Variants in TBC1D22A observed in about 807,000 individuals in gnomAD.
TBC1D22A encodes putative GTPase activator.
Under a neutral mutation model 60.2 loss-of-function variants are expected in TBC1D22A, and 38 were observed. The observed-to-expected ratio is 0.63, with a 90% CI of 0.49 to 0.83. The LOEUF is 0.83. Among genes scored for constraint, TBC1D22A ranks in the 40% least tolerant of loss-of-function variants. The pLI is 0.00. For synonymous variants in TBC1D22A, 302 were observed against 281.7 expected, an observed-to-expected ratio of 1.07 and a Z score of -0.72; for missense variants, 628 against 701.0, an observed-to-expected ratio of 0.90 and a Z score of 1.18.
intron 4 of TBC1D22A, among the ~76,000 whole-genome samples, chr22:46,812,586 C>T (rs1198490263): frequency 6.6e-6 from 1 of 152,194 alleles, no homozygotes; most frequent in Non-Finnish European, 1.5e-5. Context: ...TTTCTGCTGG[C>T]TGTGTGTGGC....
intron 12 of TBC1D22A, among the ~76,000 whole-genome samples, chr22:47,113,558 A>G (rs755280902): frequency 2.6e-5 from 4 of 152,210 alleles, no homozygotes; most frequent in Non-Finnish European, 5.9e-5. Flanking sequence ...TAAGCCACAC[A>G]TATGCGAGGA....
At chr22:46,899,005 C>T (rs2068836555) in intron 7 of TBC1D22A, among the ~76,000 whole-genome samples, 1 of 152,158 alleles carries the variant, frequency 6.6e-6, no homozygotes, top group African/African-American at 2.4e-5. Flanking sequence ...CAAGGCTTGG[C>T]AGAGTGGATC....
intron 4 of TBC1D22A, among the ~76,000 whole-genome samples, chr22:46,841,370 C>T (rs140656284): frequency 5.9e-5 from 9 of 152,356 alleles, no homozygotes; most frequent in African/African-American, 2.2e-4. Flanking sequence ...CGTTGTCAGA[C>T]ACCTAACCTG....
At chr22:47,171,283 C>T (rs1569482243) in intron 12 of TBC1D22A, among the ~76,000 whole-genome samples, 1 of 152,218 alleles carries the variant, frequency 6.6e-6, no homozygotes, top group East Asian at 1.9e-4. Flanking sequence ...GCATCCCGAG[C>T]CTGTGGCCCT....
At chr22:46,802,404 G>T (rs76309307) in intron 4 of TBC1D22A, among the ~76,000 whole-genome samples, 1 of 152,228 alleles carries the variant, frequency 6.6e-6, no homozygotes, top group Non-Finnish European at 1.5e-5. Flanking sequence ...AGATCTGCAC[G>T]GAGTCAGGTA....
At chr22:46,953,952 G>C (rs2073052575) in intron 8 of TBC1D22A, among the ~76,000 whole-genome samples, 1 of 152,226 alleles carries the variant, frequency 6.6e-6, no homozygotes, top group Admixed American at 6.5e-5. Flanking sequence ...TAACTGATTT[G>C]TTGAAGGCCA....
intron 4 of TBC1D22A, among the ~76,000 whole-genome samples, chr22:46,827,800 A>G (rs1190519007): frequency 6.6e-6 from 1 of 152,098 alleles, no homozygotes; most frequent in Non-Finnish European, 1.5e-5. Flanking sequence ...ATGATGGGCC[A>G]CTTTCTACTG....
chr22:47,055,818 A>T (rs544707771), intron 11 of TBC1D22A, among the ~76,000 whole-genome samples: 1 of 151,334 alleles, frequency 6.6e-6, no homozygotes, highest in South Asian at 2.1e-4. Flanking sequence ...CCCTGCCTAC[A>T]TTCAGCCATA....
In TBC1D22A at chr22:46,762,718, G is replaced by T. The variant is rs1196163821; in HGVS notation, c.-69G>T. The T allele has an allele frequency of 9.7e-6, 13 of 1,345,114 alleles. No homozygotes were observed. Among genetic ancestry groups the T allele is most frequent in the Non-Finnish European group, 1.3e-5 (13 of 1,035,562 alleles). The allele number at this position is 1,345,114 out of a possible 1,614,324, so 83.3% of individuals were successfully genotyped here. On this transcript the variant is annotated 5_prime_UTR_variant, in exon 1 of 13. In the 5' UTR this introduces an upstream ATG that the reference lacks. Coordinates refer to ENST00000337137, the MANE Select transcript of TBC1D22A (RefSeq NM_014346.5). ...GAGGGGCCACCCGGGGCACAGGAAA[G>T]GGCCGCTAGGGGAGGGCCGGGTGCA...
intron 4 of TBC1D22A, among the ~76,000 whole-genome samples, chr22:46,845,764 A>T (rs1169194600): frequency 6.6e-6 from 1 of 152,272 alleles, no homozygotes; most frequent in Admixed American, 6.5e-5. Context: ...TAAAATCATT[A>T]TGCTCAAAAT....
intron 7 of TBC1D22A, among the ~76,000 whole-genome samples, chr22:46,907,228 T>C (rs916000): frequency 0.52 from 79,533 of 151,940 alleles, 23,091 homozygotes; most frequent in African/African-American, 0.78. Context: ...CAGCTTTCAC[T>C]ACCCTCTCTT....
At chr22:47,096,256 T>A (rs1405143684) in intron 11 of TBC1D22A, among the ~76,000 whole-genome samples, 1 of 152,220 alleles carries the variant, frequency 6.6e-6, no homozygotes, top group African/African-American at 2.4e-5. Flanking sequence ...GCCTAAACTT[T>A]GTATTCATCA....
At chr22:46,948,921 C>A (rs1044595868) in intron 8 of TBC1D22A, among the ~76,000 whole-genome samples, 1 of 152,154 alleles carries the variant, frequency 6.6e-6, no homozygotes, top group East Asian at 1.9e-4. Context: ...ACACTATGTG[C>A]CGGGGGTGAG....
At chr22:47,052,538 G>T (rs1210718856) in intron 11 of TBC1D22A, among the ~76,000 whole-genome samples, 1 of 152,194 alleles carries the variant, frequency 6.6e-6, no homozygotes, top group African/African-American at 2.4e-5. Context: ...GTGGGGAGGG[G>T]ACTCGCCTGA....
intron 12 of TBC1D22A, among the ~76,000 whole-genome samples, chr22:47,158,092 G>A (rs535336038): frequency 2.0e-5 from 3 of 152,258 alleles, no homozygotes; most frequent in African/African-American, 7.2e-5. Context: ...CCAGCACCAC[G>A]GCCTTCCAGG....
intron 11 of TBC1D22A, among the ~76,000 whole-genome samples, chr22:47,082,923 A>G (rs1444795193): frequency 6.6e-6 from 1 of 152,254 alleles, no homozygotes; most frequent in Non-Finnish European, 1.5e-5. Context: ...TAGCAGCTTT[A>G]TTCATACCAG....
chr22:46,940,521 G>T (rs1393776137), intron 8 of TBC1D22A, among the ~76,000 whole-genome samples: 2 of 148,846 alleles, frequency 1.3e-5, no homozygotes, highest in African/African-American at 5.0e-5. Flanking sequence ...ACAGCATGGG[G>T]ACTGGGGCAC....
chr22:46,849,381 C>G (rs2087166700), intron 4 of TBC1D22A, among the ~76,000 whole-genome samples: 1 of 152,218 alleles, frequency 6.6e-6, no homozygotes, highest in Non-Finnish European at 1.5e-5. Flanking sequence ...CTGTGAAATT[C>G]TAGAACTGAT....
At chr22:47,149,820 G>A (rs181504150) in intron 12 of TBC1D22A, among the ~76,000 whole-genome samples, 31 of 152,306 alleles carry the variant, frequency 2.0e-4, no homozygotes, top group Admixed American at 1.4e-3. Context: ...TGTCTTACTC[G>A]TTGTGGACTG....
Sources: gnomAD v4.1 joint callset for allele counts (sites outside exome capture counted in the v4.1 genomes callset) on GRCh38, gnomAD v4.1.1 for gene constraint, MANE v1.5 for transcripts, NCBI Gene and HGNC (gene_info 2026-07-23, HGNC 2026-07-21) for gene names.